The following PPP2R2C variants were observed in gnomAD, a reference collection of about 807,000 sequenced individuals.
PPP2R2C encodes protein phosphatase 2 regulatory subunit Bgamma, also known as protein phosphatase 2, regulatory subunit B, gamma.
Under a neutral mutation model 45.3 loss-of-function variants are expected in PPP2R2C, and 10 were observed. The ratio of observed to expected loss-of-function variants is 0.22; its 90% CI spans 0.14 to 0.37. The LOEUF is 0.37. PPP2R2C is among the 10% of genes least tolerant of loss of function. PPP2R2C has a pLI of 1.00. For synonymous variants in PPP2R2C, 257 were observed against 245.4 expected (o/e 1.05, Z -0.44); for missense variants, 308 against 619.7 (o/e 0.50, Z 5.34).
rs1434160040 is a variant in PPP2R2C at position 6,349,020 on chromosome 4, CCCAGCA to C, written c.626-1016_626-1011del. ...GATTCAGCCTCACAACCTCCCCGGCCCCAGCACCTGCTCTTTTCCTATCCCTTCCCT... is the reference window on the plus strand; with the variant it reads ...GATTCAGCCTCACAACCTCCCCGGCCCCTGCTCTTTTCCTATCCCTTCCCT... On this transcript the variant is annotated intron_variant, in intron 5 of 8. Coordinates refer to ENST00000382599, the MANE Select transcript of PPP2R2C (RefSeq NM_020416.4). 3.0e-6 allele frequency: 3 copies of C among 985,302 alleles called. No homozygotes were observed. The African/African-American group carries it at 5.2e-5, about 17-fold the overall frequency. The allele number at this position is 985,302 out of a possible 1,614,324, so 61.0% of individuals were successfully genotyped here. A position where few individuals can be genotyped will look rare whatever the true frequency, so the allele number is the denominator to read the frequency against.
At chr4:6,432,955 T>C (rs1024632452) in intron 1 of PPP2R2C, among the ~76,000 whole-genome samples, 1 of 152,216 alleles carries the variant, frequency 6.6e-6, no homozygotes, top group African/African-American at 2.4e-5. Context: ...AAGATTATAG[T>C]GATCCCCTTC....
At chr4:6,396,049 C>T (rs937244666) in intron 1 of PPP2R2C, among the ~76,000 whole-genome samples, 2 of 152,220 alleles carry the variant, frequency 1.3e-5, no homozygotes, top group African/African-American at 2.4e-5. Context: ...GGAACTCACA[C>T]AGGAGCATTA....
At chr4:6,499,086 A>T (rs1722964062) in intron 2 of PPP2R2C, among the ~76,000 whole-genome samples, 1 of 152,074 alleles carries the variant, frequency 6.6e-6, no homozygotes, top group Non-Finnish European at 1.5e-5. Context: ...CCCAAGGCAG[A>T]TTGGGAGGGG....
chr4:6,518,261 A>C lies in PPP2R2C; in HGVS notation c.49+17010T>G, dbSNP rs1001871271. On this transcript the variant is annotated intron_variant, in intron 2 of 9. Transcript: ENST00000506140. Reference sequence around the variant, plus strand: ...TTCAGGAAACTAGGAAAAGAAGAGCAAATTAAATCCACAGTAAACACAAGA... The same window carrying C: ...TTCAGGAAACTAGGAAAAGAAGAGCCAATTAAATCCACAGTAAACACAAGA... 1.3e-5 allele frequency among the ~76,000 whole-genome samples: 2 copies of C among 152,228 alleles called. 1 individual carries two copies. The highest frequency in any genetic ancestry group is 1.3e-4 in the Admixed American group (2 of 15,290).
At position 6,351,514 on chromosome 4, in the gene PPP2R2C, G is replaced by C. The variant is rs73795990; in HGVS notation, c.626-3504C>G. 7.2e-5 allele frequency among the ~76,000 whole-genome samples: 11 copies of C among 152,212 alleles called. No homozygotes were observed. The South Asian group carries it at 2.3e-3, about 32-fold the overall frequency. On this transcript the variant is annotated intron_variant, in intron 5 of 8. Coordinates refer to ENST00000382599, the MANE Select transcript of PPP2R2C (RefSeq NM_020416.4). ...GGGATCGAGGGCCTGGCTTTGGGGA[G>C]ATAAAGTCTCCCAAACCTGGGTCAG...
At chr4:6,366,093 T>C (rs1714273191) in intron 5 of PPP2R2C, among the ~76,000 whole-genome samples, 1 of 152,230 alleles carries the variant, frequency 6.6e-6, no homozygotes, top group Non-Finnish European at 1.5e-5. Flanking sequence ...AGAACCAATC[T>C]TAAATGTTTG....
In PPP2R2C at chr4:6,503,803, A is replaced by AC. The variant is rs1269808450; in HGVS notation, c.49+31467_49+31468insG. Among the ~76,000 whole-genome samples, 14 of 152,082 alleles carry AC rather than the reference A, an allele frequency of 9.2e-5. No homozygotes were observed. In the East Asian group the frequency reaches 9.7e-4, roughly 10 times the overall value. On this transcript the variant is annotated intron_variant, in intron 2 of 9. Transcript: ENST00000506140. Reference sequence around the variant, plus strand: ...GAATACTACTTGGCAATTAAAAAAAAAAAAACAAAAACTGAGAATTCTGCT... The same window carrying AC: ...GAATACTACTTGGCAATTAAAAAAAACAAAAACAAAAACTGAGAATTCTGCT...
intron 5 of PPP2R2C, among the ~76,000 whole-genome samples, chr4:6,362,484 T>A (rs1007091930): frequency 6.6e-6 from 1 of 152,234 alleles, no homozygotes; most frequent in African/African-American, 2.4e-5. Context: ...CTGACAGCCA[T>A]GCTCATAGCA....
chr4:6,472,856 A>G (rs372769320), upstream of PPP2R2C, among the ~76,000 whole-genome samples: 26 of 151,952 alleles, frequency 1.7e-4, 1 homozygote, highest in Non-Finnish European at 8.8e-5. Flanking sequence ...TTGGGTGCCC[A>G]GGTGCTCCAG....
At chr4:6,337,301 T>C (rs1442503429) in intron 6 of PPP2R2C, among the ~76,000 whole-genome samples, 1 of 151,086 alleles carries the variant, frequency 6.6e-6, no homozygotes, top group Admixed American at 6.6e-5. Flanking sequence ...TAGCAGTGGG[T>C]AGAGACTCAT....
chr4:6,483,157 A>AGATT (rs1379740638), intron 2 of PPP2R2C, among the ~76,000 whole-genome samples: 9 of 143,632 alleles, frequency 6.3e-5, no homozygotes, highest in East Asian at 2.1e-4. Context: ...ATTGATTGAT[A>AGATT]GATAGACGAT....
intron 2 of PPP2R2C, among the ~76,000 whole-genome samples, chr4:6,527,866 G>C (rs1224899647): frequency 2.0e-5 from 3 of 152,136 alleles, no homozygotes; most frequent in Non-Finnish European, 4.4e-5. Flanking sequence ...GGCAGGGCCT[G>C]GGGCCCCAGC....
intron 2 of PPP2R2C, among the ~76,000 whole-genome samples, chr4:6,490,804 C>T (rs1377009111): frequency 6.6e-6 from 1 of 152,208 alleles, no homozygotes; most frequent in Non-Finnish European, 1.5e-5. Flanking sequence ...TCCCATGCCG[C>T]ACCCTGGGCA....
intron 5 of PPP2R2C, among the ~76,000 whole-genome samples, chr4:6,357,545 C>A (rs1713319104): frequency 6.6e-6 from 1 of 152,222 alleles, no homozygotes; most frequent in African/African-American, 2.4e-5. Flanking sequence ...AGTGGATTTG[C>A]CCTGCCGCCC....
intron 1 of PPP2R2C, among the ~76,000 whole-genome samples, chr4:6,539,681 C>T (rs922807105): frequency 3.3e-5 from 5 of 152,170 alleles, no homozygotes; most frequent in African/African-American, 1.2e-4. Flanking sequence ...TCAAGGGTGG[C>T]AAGTGCGTGG....
At chr4:6,562,780 G>A (rs894061211) in intron 1 of PPP2R2C, among the ~76,000 whole-genome samples, 2 of 152,128 alleles carry the variant, frequency 1.3e-5, no homozygotes, top group Admixed American at 6.5e-5. Flanking sequence ...CGGTCAGGGC[G>A]AAGCTAGGAT....
chr4:6,338,201 G>A (rs192511347), intron 6 of PPP2R2C, among the ~76,000 whole-genome samples: 6 of 152,162 alleles, frequency 3.9e-5, no homozygotes, highest in African/African-American at 1.4e-4. Context: ...GATGGGCCCA[G>A]TCCCATCTCC....
At position 6,364,173 on chromosome 4, in the gene PPP2R2C, C is replaced by T. The variant is rs566720660; in HGVS notation, c.625+8350G>A. The stretch of plus-strand genomic sequence containing the variant: ...AGTCATGGAGGGGATGGACTAGTTC[C>T]GACAGACTGGTCAAGGAAGGCCTCT... On this transcript the variant is annotated intron_variant, in intron 5 of 8. Coordinates refer to ENST00000382599, the MANE Select transcript of PPP2R2C (RefSeq NM_020416.4). The surrounding 1 kb of genome is among the most constrained non-coding windows in gnomAD (Gnocchi z 5.3). 6.6e-5 allele frequency among the ~76,000 whole-genome samples: 10 copies of T among 152,142 alleles called. No individual in the cohort carries two copies. The highest frequency in any genetic ancestry group is 1.2e-4 in the Non-Finnish European group (8 of 68,034).
chr4:6,414,236 TCA>T (rs2109376186), intron 1 of PPP2R2C, among the ~76,000 whole-genome samples: 1 of 152,094 alleles, frequency 6.6e-6, no homozygotes, highest in African/African-American at 2.4e-5. Flanking sequence ...GGTAAGTTCA[TCA>T]GAGGCCAGGC....
Sources: gnomAD v4.1 joint callset for allele counts (sites outside exome capture counted in the v4.1 genomes callset) on GRCh38, gnomAD v4.1.1 for gene constraint, Gnocchi (gnomAD v3.1) non-coding constraint, MANE v1.5 for transcripts, NCBI Gene and HGNC (gene_info 2026-07-23, HGNC 2026-07-21) for gene names.